The following TAMM41 variants were observed in gnomAD, a reference collection of about 807,000 sequenced individuals.
The protein encoded by TAMM41 is TAM41 mitochondrial translocator assembly and maintenance homolog, also known as phosphatidate cytidylyltransferase, mitochondrial.
Under a neutral mutation model 44.1 loss-of-function variants are expected in TAMM41, and 36 were observed. The observed-to-expected ratio is 0.82, with a 90% CI of 0.63 to 1.08. TAMM41 has a LOEUF of 1.08. TAMM41 is among the 50% of genes least tolerant of loss of function. The pLI is 0.00. For missense variants in TAMM41, 417 were observed against 404.3 expected (o/e 1.03, Z -0.27); for synonymous variants, 164 against 153.1 (o/e 1.07, Z -0.53).
the TAMM41 span, among the ~76,000 whole-genome samples, chr3:11,743,331 ATC>A: frequency 6.1e-5 from 8 of 130,154 alleles, no homozygotes; most frequent in Admixed American, 6.1e-4. Context: ...CTACCTAATA[ATC>A]TCTTTTTTTT....
At chr3:11,843,835 G>A (rs1371952564) in intron 2 of TAMM41, 194 bp downstream of exon 2, 9 of 589,952 alleles carry the variant, frequency 1.5e-5, no homozygotes, top group African/African-American at 5.6e-5. Flanking sequence ...AGTTCAAGAC[G>A]TCTGGCAGGA....
chr3:11,749,204 C>T, the TAMM41 span, among the ~76,000 whole-genome samples: 81 of 152,272 alleles, frequency 5.3e-4, no homozygotes, highest in African/African-American at 1.8e-3. Context: ...TGAGCCACTG[C>T]GCCCTGCTAG....
At chr3:11,812,214 C>T (rs902519590) in intron 5 of TAMM41, among the ~76,000 whole-genome samples, 1 of 152,194 alleles carries the variant, frequency 6.6e-6, no homozygotes, top group African/African-American at 2.4e-5. Context: ...AGGCATGAAG[C>T]TGCCATTCTC....
chr3:11,727,786 T>C, the TAMM41 span, among the ~76,000 whole-genome samples: 1 of 147,496 alleles, frequency 6.8e-6, no homozygotes, highest in South Asian at 2.2e-4. Context: ...TTTTCTAATT[T>C]AATTTTTTTT....
chr3:11,779,515 A>G, the TAMM41 span, among the ~76,000 whole-genome samples: 5 of 152,250 alleles, frequency 3.3e-5, 1 homozygote, highest in Middle Eastern at 0.017. Context: ...GGAGGGGACA[A>G]ATGTCCGAAC....
intron 4 of TAMM41, among the ~76,000 whole-genome samples, chr3:11,823,731 G>A (rs1430215040): frequency 6.9e-6 from 1 of 145,226 alleles, no homozygotes; most frequent in African/African-American, 2.5e-5. Context: ...CATGATCTCA[G>A]CTCACTGCAA....
Position 11,846,787 on chromosome 3 carries a change from C to G in TAMM41, c.-151G>C. On this transcript the variant is annotated 5_prime_UTR_variant, in exon 1 of 8. Transcript: ENST00000455809. ...TGAGTGTGGGGTGGGACTGCAAGCA[C>G]ACGCAAGGATTGGGGCGTTGGGCCA... 1 of 955,654 alleles carries G rather than the reference C, an allele frequency of 1.0e-6. No homozygotes were observed. The highest frequency in any genetic ancestry group is 1.6e-6 in the Non-Finnish European group (1 of 641,834). The allele number at this position is 955,654 out of a possible 1,614,324, so 59.2% of individuals were successfully genotyped here.
chr3:11,757,825 T>C, the TAMM41 span, among the ~76,000 whole-genome samples: 1 of 152,218 alleles, frequency 6.6e-6, no homozygotes, highest in African/African-American at 2.4e-5. Flanking sequence ...ATGTAGGCGC[T>C]GAGAGCCTCT....
the TAMM41 span, among the ~76,000 whole-genome samples, chr3:11,737,106 C>T: frequency 6.6e-6 from 1 of 151,998 alleles, no homozygotes. Flanking sequence ...ATTCTCCAGC[C>T]TTCCCATCTG....
chr3:11,770,327 G>T, the TAMM41 span, among the ~76,000 whole-genome samples: 6 of 152,246 alleles, frequency 3.9e-5, no homozygotes, highest in African/African-American at 1.2e-4. Context: ...CACTACCCTG[G>T]AGGGCAGCTG....
At position 11,809,620 on chromosome 3, in the gene TAMM41, T is replaced by C. The variant is rs772613330; in HGVS notation, c.771A>G (p.Gln257=). The change falls in exon 6 of 8, where the codon CAA becomes CAG. Residue 257 remains glutamine (Q), a synonymous_variant. Transcript: ENST00000455809. Reference sequence around the variant, plus strand: ...GAGGGTCCATAATATGATTTATCTGTTGCTGTAAGGTTTTGGGCAATGTCA... The same window carrying C: ...GAGGGTCCATAATATGATTTATCTGCTGCTGTAAGGTTTTGGGCAATGTCA... ...QLMTLPKTLQ[Q]QINHIMDPPG... The C allele has an allele frequency of 2.5e-6, 4 of 1,614,162 alleles. No homozygotes were observed. The highest frequency in any genetic ancestry group is 2.5e-6 in the Non-Finnish European group (3 of 1,180,028).
intron 2 of TAMM41, among the ~76,000 whole-genome samples, chr3:11,842,402 A>G (rs2079491502): frequency 6.6e-6 from 1 of 151,622 alleles, no homozygotes; most frequent in South Asian, 2.1e-4. Flanking sequence ...CTCAAAAAAA[A>G]AAAAAAAAAA....
chr3:11,758,526 A>T, the TAMM41 span, among the ~76,000 whole-genome samples: 1 of 151,196 alleles, frequency 6.6e-6, no homozygotes. Flanking sequence ...TAATTTTTGT[A>T]TTTTTAGTAG....
the TAMM41 span, among the ~76,000 whole-genome samples, chr3:11,736,640 C>T: frequency 6.6e-6 from 1 of 152,254 alleles, no homozygotes; most frequent in Admixed American, 6.5e-5. Context: ...CCTCAGCGCA[C>T]CCTGCTTCAG....
At chr3:11,829,661 C>G in intron 4 of TAMM41, 53 bp downstream of exon 4, 2 of 1,599,192 alleles carry the variant, frequency 1.3e-6, no homozygotes, top group South Asian at 2.2e-5. Flanking sequence ...TATCCGCAGT[C>G]TTCAAATATA....
chr3:11,845,054 G>A, intron 1 of TAMM41: 1 of 452,662 alleles, frequency 2.2e-6, no homozygotes, highest in Middle Eastern at 3.3e-4. Context: ...GTGCTCTGTG[G>A]ATATGGGAGC....
At chr3:11,841,735 C>A (rs978080917) in intron 2 of TAMM41, among the ~76,000 whole-genome samples, 1 of 152,186 alleles carries the variant, frequency 6.6e-6, no homozygotes, top group South Asian at 2.1e-4. Context: ...CCTTTTCCCC[C>A]CAACTCCAGC....
the TAMM41 span, among the ~76,000 whole-genome samples, chr3:11,755,527 G>A: frequency 2.0e-5 from 3 of 152,142 alleles, no homozygotes; most frequent in South Asian, 4.1e-4. Flanking sequence ...AAGGAGCTGG[G>A]GAAAGGAATT....
In TAMM41 at chr3:11,807,831, A is replaced by T; in HGVS notation, c.937+2T>A. The T allele has an allele frequency of 1.3e-6, 2 of 1,536,206 alleles. No individual in the cohort carries two copies. The highest frequency in any genetic ancestry group is 1.2e-5 in the South Asian group (1 of 84,068). The stretch of plus-strand genomic sequence containing the variant: ...TTACACACGGATTTCCAAAGCTCTT[A>T]CCAGCAGTAAAAATGCCTTTCGTGC... On this transcript the variant is annotated splice_donor_variant, in intron 7 of 7. Coordinates refer to ENST00000455809, the MANE Select transcript of TAMM41 (RefSeq NM_001284401.2). LOFTEE classifies it high-confidence loss of function.
Sources: gnomAD v4.1 joint callset for allele counts (sites outside exome capture counted in the v4.1 genomes callset) on GRCh38, gnomAD v4.1.1 for gene constraint, MANE v1.5 for transcripts, NCBI Gene and HGNC (gene_info 2026-07-23, HGNC 2026-07-21) for gene names.